The following POU6F2 variants were observed in gnomAD, a reference collection of about 807,000 sequenced individuals.
POU6F2 encodes POU domain, class 6, transcription factor 2.
A neutral mutation model predicts 71.3 loss-of-function variants in POU6F2; 31 were observed. That is an observed-to-expected ratio of 0.43 (90% CI 0.33 to 0.59). The LOEUF (loss-of-function observed/expected upper bound fraction) is 0.59. Ranked by LOEUF, POU6F2 falls within the 20% of genes least tolerant of loss-of-function variation. The pLI is 0.04. For missense variants in POU6F2, 783 were observed against 856.8 expected, an observed-to-expected ratio of 0.91 and a Z score of 1.07; for synonymous variants, 347 against 355.7, an observed-to-expected ratio of 0.98 and a Z score of 0.27.
intron 1 of POU6F2, among the ~76,000 whole-genome samples, chr7:38,998,869 T>G (rs1323071140): frequency 6.7e-6 from 1 of 149,136 alleles, no homozygotes; most frequent in East Asian, 1.9e-4. Flanking sequence ...TTTTACCATG[T>G]TAGCGAGGAT....
intron 6 of POU6F2, among the ~76,000 whole-genome samples, chr7:39,429,860 T>A (rs899634904): frequency 6.6e-6 from 1 of 152,226 alleles, no homozygotes; most frequent in Admixed American, 6.5e-5. Flanking sequence ...TTGAAACATA[T>A]GTAGATGCAA....
chr7:39,447,424 G>C (rs900149138), intron 7 of POU6F2, among the ~76,000 whole-genome samples: 2 of 152,146 alleles, frequency 1.3e-5, no homozygotes, highest in African/African-American at 4.8e-5. Flanking sequence ...GGGCATAGTG[G>C]AAGGAGTGCT....
intron 2 of POU6F2, among the ~76,000 whole-genome samples, chr7:39,101,205 C>CTGGGATTA (rs1791564785): frequency 2.0e-5 from 3 of 151,740 alleles, no homozygotes; most frequent in Admixed American, 2.0e-4. Flanking sequence ...TCCTGAGTAG[C>CTGGGATTA]TGGGATTACA....
chr7:39,253,693 G>T (rs80008332), intron 4 of POU6F2, among the ~76,000 whole-genome samples: 101 of 152,246 alleles, frequency 6.6e-4, no homozygotes, highest in African/African-American at 2.3e-3. Flanking sequence ...GGGTAGAGGA[G>T]GGCACAGAGC....
chr7:39,372,902 GATA>G (rs145782806), intron 5 of POU6F2, among the ~76,000 whole-genome samples: 10 of 150,758 alleles, frequency 6.6e-5, no homozygotes, highest in Admixed American at 6.6e-5. Flanking sequence ...TAATAGTAAG[GATA>G]ATAATAATAA....
At chr7:39,133,899 C>T (rs184529268) in intron 2 of POU6F2, among the ~76,000 whole-genome samples, 159 of 152,124 alleles carry the variant, frequency 1.0e-3, no homozygotes, top group Middle Eastern at 3.4e-3. Flanking sequence ...TTTTTTTAGA[C>T]CGTCTCGCCC....
At chr7:39,181,365 C>T (rs149275703) in intron 2 of POU6F2, among the ~76,000 whole-genome samples, 52 of 152,164 alleles carry the variant, frequency 3.4e-4, no homozygotes, top group Admixed American at 9.8e-4. Flanking sequence ...TCTGTGGATA[C>T]GTACTCTCAT....
At chr7:39,112,965 T>A (rs553315970) in intron 2 of POU6F2, among the ~76,000 whole-genome samples, 46 of 152,188 alleles carry the variant, frequency 3.0e-4, no homozygotes, top group Middle Eastern at 3.4e-3. Flanking sequence ...TTAATTGCAT[T>A]TTTACAAAAA....
chr7:39,158,024 A>G (rs1233355422), intron 2 of POU6F2, among the ~76,000 whole-genome samples: 1 of 152,236 alleles, frequency 6.6e-6, no homozygotes, highest in African/African-American at 2.4e-5. Flanking sequence ...AGGGATCTGA[A>G]GCAGGCTGTC....
intron 6 of POU6F2, among the ~76,000 whole-genome samples, chr7:39,422,742 C>G (rs899175652): frequency 6.6e-6 from 1 of 152,162 alleles, no homozygotes; most frequent in African/African-American, 2.4e-5. Flanking sequence ...AATTTATGTC[C>G]TTAGAGACCA....
chr7:39,036,124 G>A (rs1790058487), intron 1 of POU6F2, among the ~76,000 whole-genome samples: 1 of 152,134 alleles, frequency 6.6e-6, no homozygotes, highest in Admixed American at 6.6e-5. Flanking sequence ...AGTACAGGCT[G>A]TCTCTCTGTC....
chr7:39,436,209 T>C (rs746479103), intron 7 of POU6F2, among the ~76,000 whole-genome samples: 2 of 152,202 alleles, frequency 1.3e-5, no homozygotes, highest in African/African-American at 2.4e-5. Flanking sequence ...TAAATTACTC[T>C]GGGCAGTATG....
At chr7:39,297,312 C>G (rs1389180872) in intron 4 of POU6F2, among the ~76,000 whole-genome samples, 2 of 151,668 alleles carry the variant, frequency 1.3e-5, no homozygotes, top group Non-Finnish European at 2.9e-5. Flanking sequence ...AGACTTTGTA[C>G]TATGATACCA....
intron 5 of POU6F2, among the ~76,000 whole-genome samples, chr7:39,402,276 C>T (rs1787321797): frequency 6.6e-6 from 1 of 152,066 alleles, no homozygotes; most frequent in Non-Finnish European, 1.5e-5. Flanking sequence ...ATTTAGTGTA[C>T]ACAGACAGCA....
intron 2 of POU6F2, among the ~76,000 whole-genome samples, chr7:39,199,266 C>T (rs1315064193): frequency 1.3e-5 from 2 of 152,086 alleles, no homozygotes; most frequent in East Asian, 1.9e-4. Context: ...CTGCCCTGGC[C>T]GTCATATCCT....
At chr7:38,998,626 CA>C (rs1270307400) in intron 1 of POU6F2, among the ~76,000 whole-genome samples, 7 of 151,018 alleles carry the variant, frequency 4.6e-5, no homozygotes, top group African/African-American at 1.7e-4. Flanking sequence ...AAAATTTAAG[CA>C]GTAAAGATAT....
At chr7:39,049,369 A>AT (rs1011061542) in intron 1 of POU6F2, among the ~76,000 whole-genome samples, 13 of 151,892 alleles carry the variant, frequency 8.6e-5, no homozygotes, top group East Asian at 3.9e-4. Context: ...ACATATTTTG[A>AT]TTTTTTTGTT....
intron 6 of POU6F2, among the ~76,000 whole-genome samples, chr7:39,408,936 A>T (rs916782448): frequency 1.3e-5 from 2 of 152,206 alleles, no homozygotes; most frequent in Non-Finnish European, 1.5e-5. Flanking sequence ...GACCCTATGA[A>T]GTGAGGTGAA....
At chr7:39,263,681 ACAC>A in intron 4 of POU6F2, among the ~76,000 whole-genome samples, 1 of 150,034 alleles carries the variant, frequency 6.7e-6, no homozygotes, top group Non-Finnish European at 1.5e-5. Context: ...ACGCACACAC[ACAC>A]ACACAAGTCA....
Sources: gnomAD v4.1 joint callset for allele counts (sites outside exome capture counted in the v4.1 genomes callset) on GRCh38, gnomAD v4.1.1 for gene constraint, MANE v1.5 for transcripts, NCBI Gene and HGNC (gene_info 2026-07-23, HGNC 2026-07-21) for gene names.